The following CDH18 variants were observed in gnomAD, a reference collection of about 807,000 sequenced individuals.
CDH18 encodes the protein cadherin-18.
Under a neutral mutation model 67.9 loss-of-function variants are expected in CDH18, and 31 were observed. The observed-to-expected ratio is 0.46, with a 90% CI of 0.34 to 0.62. The LOEUF (loss-of-function observed/expected upper bound fraction) is 0.62. Ranked by LOEUF, CDH18 falls within the 20% of genes least tolerant of loss-of-function variation. The pLI, the probability that CDH18 is intolerant of heterozygous loss-of-function variation, is 0.01. For synonymous variants in CDH18, 362 were observed against 347.2 expected (o/e 1.04, Z -0.48); for missense variants, 890 against 975.5 (o/e 0.91, Z 1.17).
intron 2 of CDH18, among the ~76,000 whole-genome samples, chr5:20,160,610 A>C (rs1351669459): frequency 3.3e-5 from 5 of 152,216 alleles, no homozygotes; most frequent in Admixed American, 3.3e-4. Flanking sequence ...TTTGGATTTT[A>C]TCTTAGGAAA....
intron 1 of CDH18, among the ~76,000 whole-genome samples, chr5:20,264,783 T>C (rs1385186366): frequency 2.0e-5 from 3 of 152,160 alleles, no homozygotes; most frequent in African/African-American, 7.2e-5. Context: ...TATGTGGCTT[T>C]AGAGTGACAT....
chr5:19,617,804 A>C (rs765013118), intron 5 of CDH18, among the ~76,000 whole-genome samples: 9 of 152,170 alleles, frequency 5.9e-5, no homozygotes, highest in Non-Finnish European at 8.8e-5. Flanking sequence ...CTTGATATGT[A>C]GGGGCTTGTA....
At chr5:19,511,283 C>T (rs529641607) in intron 10 of CDH18, among the ~76,000 whole-genome samples, 2 of 151,108 alleles carry the variant, frequency 1.3e-5, no homozygotes, top group Admixed American at 6.6e-5. Context: ...TTCCTTTATA[C>T]ATTACCATGT....
At chr5:19,732,447 C>T (rs754580177) in intron 4 of CDH18, among the ~76,000 whole-genome samples, 7 of 151,592 alleles carry the variant, frequency 4.6e-5, no homozygotes, top group East Asian at 2.0e-4. Flanking sequence ...GTGAGAGCAG[C>T]GGGCTATGAT....
chr5:20,033,030 G>T (rs1344180024), intron 2 of CDH18, among the ~76,000 whole-genome samples: 2 of 151,874 alleles, frequency 1.3e-5, no homozygotes, highest in Non-Finnish European at 1.5e-5. Flanking sequence ...AAACACAAAA[G>T]ATATTATCTC....
chr5:20,174,373 G>T (rs542231789), intron 2 of CDH18, among the ~76,000 whole-genome samples: 27 of 152,254 alleles, frequency 1.8e-4, no homozygotes, highest in African/African-American at 6.3e-4. Context: ...ACTCAATTCA[G>T]CGTAATACGT....
At chr5:19,959,322 T>C (rs895042488) in intron 2 of CDH18, among the ~76,000 whole-genome samples, 5 of 152,026 alleles carry the variant, frequency 3.3e-5, no homozygotes, top group Admixed American at 1.3e-4. Flanking sequence ...TAAGATGCCA[T>C]TAAATATAAA....
At chr5:20,246,606 T>C (rs1438754446) in intron 2 of CDH18, among the ~76,000 whole-genome samples, 1 of 14,962 alleles carries the variant, frequency 6.7e-5, no homozygotes, top group Non-Finnish European at 1.1e-4. Flanking sequence ...AATGTATTAA[T>C]AATTAAGAAG....
intron 2 of CDH18, among the ~76,000 whole-genome samples, chr5:20,247,468 T>C (rs1743470211): frequency 1.3e-5 from 2 of 152,116 alleles, no homozygotes; most frequent in Admixed American, 6.5e-5. Context: ...TATTCTGTAA[T>C]AGATGAATGA....
At chr5:19,974,780 C>T (rs1195833636) in intron 2 of CDH18, among the ~76,000 whole-genome samples, 4 of 152,008 alleles carry the variant, frequency 2.6e-5, no homozygotes, top group African/African-American at 9.7e-5. Flanking sequence ...GTTGATTTAG[C>T]AAATTTATTT....
chr5:19,922,023 C>A (rs968178920), intron 2 of CDH18, among the ~76,000 whole-genome samples: 8 of 151,956 alleles, frequency 5.3e-5, no homozygotes, highest in African/African-American at 1.9e-4. Flanking sequence ...AAAGTTAATA[C>A]CAACATCAGA....
At chr5:19,533,271 T>C (rs1034298015) in intron 9 of CDH18, among the ~76,000 whole-genome samples, 2 of 152,192 alleles carry the variant, frequency 1.3e-5, no homozygotes, top group Non-Finnish European at 2.9e-5. Flanking sequence ...GAGTTGTTAA[T>C]CGTATCAAAT....
chr5:19,811,852 A>G (rs1002747730), intron 3 of CDH18, among the ~76,000 whole-genome samples: 2 of 152,222 alleles, frequency 1.3e-5, no homozygotes, highest in African/African-American at 4.8e-5. Context: ...TAATTCAACA[A>G]AGAAGAAAAA....
At chr5:19,516,330 C>T (rs1247781019) in intron 10 of CDH18, among the ~76,000 whole-genome samples, 2 of 151,996 alleles carry the variant, frequency 1.3e-5, no homozygotes, top group African/African-American at 4.8e-5. Context: ...TGTGTCTCTG[C>T]CAGGCTTTGG....
At chr5:19,739,162 T>C (rs1268667149) in intron 4 of CDH18, among the ~76,000 whole-genome samples, 1 of 152,142 alleles carries the variant, frequency 6.6e-6, no homozygotes, top group Admixed American at 6.5e-5. Context: ...GACGTAATTG[T>C]AGGTGGAAAA....
At position 19,497,588 on chromosome 5, in the gene CDH18, T is replaced by G. The variant is rs552546609; in HGVS notation, c.1630+5404A>C. Among the ~76,000 whole-genome samples the G allele has an allele frequency of 2.3e-4, 35 of 152,306 alleles. No individual in the cohort carries two copies. In the South Asian group the frequency reaches 7.0e-3, roughly 31 times the overall value. On this transcript the variant is annotated intron_variant, in intron 11 of 12. Transcript: ENST00000382275. ...AAAGATCCCATGGGAATGGGAAAGA[T>G]CCGACAAAACCATGGAACATTGTGT...
chr5:19,719,945 GA>G (rs1207057432), intron 5 of CDH18, among the ~76,000 whole-genome samples: 3 of 149,948 alleles, frequency 2.0e-5, no homozygotes, highest in Non-Finnish European at 4.4e-5. Context: ...AAGAAAGAAA[GA>G]AAGAAAGAAA....
chr5:19,909,256 T>C (rs944198914), intron 2 of CDH18, among the ~76,000 whole-genome samples: 9 of 151,526 alleles, frequency 5.9e-5, no homozygotes, highest in Non-Finnish European at 7.4e-5. Context: ...TATAGAGAGG[T>C]TGGGAAGGTA....
At chr5:19,753,063 A>C (rs531406447) in intron 3 of CDH18, among the ~76,000 whole-genome samples, 1 of 152,114 alleles carries the variant, frequency 6.6e-6, no homozygotes, top group Non-Finnish European at 1.5e-5. Context: ...CTCTGACATA[A>C]CCTACCCAAA....
Sources: allele counts gnomAD v4.1 joint callset (sites outside exome capture counted in the v4.1 genomes callset), GRCh38; gene constraint gnomAD v4.1.1; transcripts MANE v1.5; gene names NCBI Gene and HGNC (gene_info 2026-07-23, HGNC 2026-07-21).